C3orf18: variants seen among roughly 807,000 people sequenced by gnomAD.
C3orf18 encodes chromosome 3 open reading frame 18.
Under a neutral mutation model 14.1 loss-of-function variants are expected in C3orf18, and 12 were observed. The ratio of observed to expected loss-of-function variants is 0.85; its 90% confidence interval spans 0.55 to 1.38. The LOEUF (loss-of-function observed/expected upper bound fraction) is 1.38. Among genes scored for constraint, C3orf18 ranks in the 40% most tolerant of loss-of-function variants. The pLI, the probability that C3orf18 is intolerant of heterozygous loss-of-function variation, is 0.00. For missense variants in C3orf18, 196 were observed against 213.9 expected (o/e 0.92, Z 0.52); for synonymous variants, 82 against 87.9 (o/e 0.93, Z 0.38).
chr3:50,566,476 C>T (rs1473453317), intron 1 of C3orf18, among the ~76,000 whole-genome samples: 1 of 151,904 alleles, frequency 6.6e-6, no homozygotes, highest in Non-Finnish European at 1.5e-5. Flanking sequence ...AAAGACTTAG[C>T]TCAGCACAAC....
rs1320935989 is a variant in C3orf18 at position 50,567,583 on chromosome 3, C to T, written c.-372G>A. 6.6e-6 allele frequency: 1 copy of T among 152,336 alleles called. No homozygotes were observed. Among genetic ancestry groups the T allele is most frequent in the Non-Finnish European group, 1.5e-5 (1 of 68,112 alleles). The allele number at this position is 152,336 out of a possible 1,614,324, so 9.4% of individuals were successfully genotyped here. On this transcript the variant is annotated 5_prime_UTR_variant, in exon 1 of 6. Coordinates refer to ENST00000357203, the MANE Select transcript of C3orf18 (RefSeq NM_016210.5). ...TGGGGCTGCGGGTCCGACCCGAGAT[C>T]CGCCCTCCCTGCAAGCCCCGAGCCG...
At chr3:50,571,911 T>C, upstream of C3orf18, 1 of 1,337,706 alleles carries the variant, frequency 7.5e-7, no homozygotes, top group Non-Finnish European at 1.1e-6. Context: ...ACTAGGGAGG[T>C]GTTGGGGTGC....
upstream of C3orf18, chr3:50,571,382 T>C: frequency 7.2e-7 from 1 of 1,381,100 alleles, no homozygotes; most frequent in Non-Finnish European, 1.0e-6. Context: ...AGGGAGGACT[T>C]GGGGAAGGGA....
At chr3:50,563,212 G>A (rs1349779968) in intron 3 of C3orf18, among the ~76,000 whole-genome samples, 1 of 152,010 alleles carries the variant, frequency 6.6e-6, no homozygotes, top group Non-Finnish European at 1.5e-5. Context: ...TCCTGTCCAG[G>A]GTTGCATGTA....
upstream of C3orf18, among the ~76,000 whole-genome samples, chr3:50,568,507 A>T (rs1369359054): frequency 6.6e-6 from 1 of 152,036 alleles, no homozygotes; most frequent in African/African-American, 2.4e-5. Context: ...GCGATGGATC[A>T]CCTGAAGTCA....
At chr3:50,562,182 G>A (rs527949192) in intron 3 of C3orf18, among the ~76,000 whole-genome samples, 3 of 152,334 alleles carry the variant, frequency 2.0e-5, no homozygotes, top group Admixed American at 2.0e-4. Flanking sequence ...ACAGGCGTGA[G>A]CCACCACACT....
intron 5 of C3orf18, 37 bp downstream of exon 5, chr3:50,560,880 T>C (rs113385709): frequency 1.9e-6 from 3 of 1,576,198 alleles, no homozygotes; most frequent in Non-Finnish European, 2.6e-6. Flanking sequence ...GGACAGAGGA[T>C]GCTGCAGGCG....
upstream of C3orf18, chr3:50,571,641 C>A: frequency 1.4e-6 from 2 of 1,402,908 alleles, no homozygotes; most frequent in Non-Finnish European, 2.0e-6. Context: ...AGGCATTATC[C>A]ACATAAGACA....
chr3:50,570,226 C>T (rs1401533228), upstream of C3orf18: 1 of 152,246 alleles, frequency 6.6e-6, no homozygotes, highest in Non-Finnish European at 1.5e-5. Context: ...TGGCACTTAG[C>T]AGGTGCTTAA....
intron 1 of C3orf18, 129 bp downstream of exon 1, chr3:50,567,334 C>A (rs747460669): frequency 6.6e-6 from 1 of 152,410 alleles, no homozygotes; most frequent in African/African-American, 2.4e-5. Context: ...GTCGGCACCG[C>A]GACCTTCGAG....
upstream of C3orf18, among the ~76,000 whole-genome samples, chr3:50,568,388 CCT>C (rs1700512403): frequency 1.3e-5 from 2 of 152,050 alleles, no homozygotes; most frequent in African/African-American, 2.4e-5. Flanking sequence ...TGCAAACGCC[CCT>C]GTGTCTCCCG....
chr3:50,572,217 G>A (rs767302073), upstream of C3orf18: 27 of 1,607,334 alleles, frequency 1.7e-5, no homozygotes, highest in Middle Eastern at 1.7e-4. Context: ...AGGTAGGTGT[G>A]CCACCAGGGC....
chr3:50,560,189 G>A (rs1430774685), intron 5 of C3orf18, among the ~76,000 whole-genome samples: 2 of 152,158 alleles, frequency 1.3e-5, no homozygotes, highest in African/African-American at 4.8e-5. Context: ...AAAACCAAAG[G>A]GTCTTCAGAC....
upstream of C3orf18, chr3:50,571,254 G>C (rs1007873349): frequency 1.2e-5 from 20 of 1,613,502 alleles, no homozygotes; most frequent in Non-Finnish European, 1.7e-5. Flanking sequence ...ACTGGACTGG[G>C]GTCTTTGAGA....
rs761077361 is a variant in C3orf18, at chr3:50,565,489, C to A, written c.211G>T (p.Val71Leu). ...ACCAAGGCCACAGCCAGGCCTATCA[C>A]CGTGATGATCCCAAAGGACAGAAGC... ...TMLLSFGIIT[V>L]IGLAVALVLY... Residue 71 changes from valine (V) to leucine (L), a missense_variant, in exon 3 of 6, where the codon GTG becomes TTG. Coordinates refer to ENST00000357203, the MANE Select transcript of C3orf18 (RefSeq NM_016210.5). The surrounding 1 kb of genome is among the most constrained non-coding windows in gnomAD (Gnocchi z 4.4). 4 of 1,613,926 alleles carry A rather than the reference C, an allele frequency of 2.5e-6. No individual in the cohort carries two copies. The East Asian group carries it at 8.9e-5, about 36-fold the overall frequency.
chr3:50,561,680 C>A, intron 4 of C3orf18, 42 bp downstream of exon 4: 2 of 1,605,412 alleles, frequency 1.2e-6, no homozygotes. Context: ...CTCCCCATGG[C>A]CTCAAGTTTT....
rs993207092 is a variant in C3orf18, at chr3:50,559,582, G to A, written c.*75C>T. 1.4e-6 allele frequency: 2 copies of A among 1,464,410 alleles called. No individual in the cohort carries two copies. Among genetic ancestry groups the A allele is most frequent in the African/African-American group, 2.8e-5 (2 of 70,660 alleles). The allele number at this position is 1,464,410 out of a possible 1,614,324, so 90.7% of individuals were successfully genotyped here. A position where few individuals can be genotyped will look rare whatever the true frequency, so the allele number is the denominator to read the frequency against. On this transcript the variant is annotated 3_prime_UTR_variant, in exon 6 of 6. Transcript: ENST00000357203. Reference sequence around the variant, plus strand: ...AGGGAAGATCTTCAGAGTAGGTCTTGACAATCAGGGAGTGGGGAGCTCTGT... The same window carrying A: ...AGGGAAGATCTTCAGAGTAGGTCTTAACAATCAGGGAGTGGGGAGCTCTGT...
At position 50,565,623 on chromosome 3, in the gene C3orf18, GCAGGTTCCAGGT is replaced by G. The variant is rs1700245139; in HGVS notation, c.65_76del (p.Asp22_Pro25del). On this transcript the variant is annotated inframe_deletion, in exon 3 of 6. Transcript: ENST00000357203. This position sits in a 1 kb window ranked among gnomAD's most constrained non-coding sequence, Gnocchi z 4.4. ...GGTCTCGGAGGCTGGCCCATCTGTG[GCAGGTTCCAGGT>G]CAGACTCAGAGGTGGGTGGGCGGCT... 6.2e-7 allele frequency: 1 copy of G among 1,613,674 alleles called. No individual in the cohort carries two copies. Among genetic ancestry groups the G allele is most frequent in the African/African-American group, 1.3e-5 (1 of 74,922 alleles).
intron 3 of C3orf18, chr3:50,562,683 C>A: frequency 2.7e-6 from 1 of 375,428 alleles, no homozygotes; most frequent in Non-Finnish European, 5.3e-6. Flanking sequence ...TGGTGGTCTC[C>A]GGAGTTCCTA....
Sources: allele counts gnomAD v4.1 joint callset (sites outside exome capture counted in the v4.1 genomes callset), GRCh38; gene constraint gnomAD v4.1.1; non-coding constraint Gnocchi (gnomAD v3.1); transcripts MANE v1.5; gene names NCBI Gene and HGNC (gene_info 2026-07-23, HGNC 2026-07-21).